Variants in CLASP1 observed in about 807,000 individuals in gnomAD.
CLASP1 encodes cytoplasmic linker associated protein 1.
CLASP1 carries 38 observed loss-of-function variants against 192.3 expected under a neutral mutation model. That is an observed-to-expected ratio of 0.20 (90% CI 0.15 to 0.26). CLASP1 has a LOEUF of 0.26. Ranked by LOEUF, CLASP1 falls within the 10% of genes least tolerant of loss-of-function variation. The pLI is 1.00. For synonymous variants in CLASP1, 691 were observed against 712.8 expected (o/e 0.97, Z 0.49); for missense variants, 1,433 against 1,932.5 (o/e 0.74, Z 4.85).
At chr2:121,415,768 G>A (rs142781651) in intron 23 of CLASP1, among the ~76,000 whole-genome samples, 342 of 152,236 alleles carry the variant, frequency 2.2e-3, no homozygotes, top group Non-Finnish European at 3.9e-3. Context: ...AGAGTATTCT[G>A]TACATGTTAA....
intron 8 of CLASP1, among the ~76,000 whole-genome samples, chr2:121,479,025 C>T (rs2092337447): frequency 1.0e-5 from 1 of 98,704 alleles, no homozygotes; most frequent in Admixed American, 9.8e-5. Flanking sequence ...ACCACACACA[C>T]ACACACCCCA....
intron 8 of CLASP1, among the ~76,000 whole-genome samples, chr2:121,502,775 T>G (rs1161566872): frequency 2.0e-5 from 3 of 152,192 alleles, no homozygotes; most frequent in Non-Finnish European, 4.4e-5. Flanking sequence ...AAAGGATTAC[T>G]CTGGTTGCTA....
intron 17 of CLASP1, 40 bp from the exon 18 acceptor site, chr2:121,448,365 A>G (rs2084775727): frequency 7.2e-7 from 1 of 1,387,822 alleles, no homozygotes; most frequent in Admixed American, 1.7e-5. Flanking sequence ...CATGTACTGT[A>G]CCTGAATTAA....
intron 1 of CLASP1, among the ~76,000 whole-genome samples, chr2:121,643,612 T>G (rs1185303137): frequency 6.6e-6 from 1 of 152,128 alleles, no homozygotes; most frequent in African/African-American, 2.4e-5. Context: ...CCATTATTAT[T>G]ATGAAGACAT....
chr2:121,445,595 T>C (rs2084174872), intron 19 of CLASP1: 1 of 545,578 alleles, frequency 1.8e-6, no homozygotes, highest in Non-Finnish European at 3.0e-6. Context: ...CTCACTAGGA[T>C]TGTGCTATAT....
At chr2:121,454,422 C>T (rs1444048993) in intron 14 of CLASP1, among the ~76,000 whole-genome samples, 3 of 152,148 alleles carry the variant, frequency 2.0e-5, no homozygotes, top group Admixed American at 6.5e-5. Flanking sequence ...CTTGCTGGCA[C>T]GCCGACTTTG....
At chr2:121,533,784 A>C (rs2094963406) in intron 2 of CLASP1, among the ~76,000 whole-genome samples, 1 of 152,314 alleles carries the variant, frequency 6.6e-6, no homozygotes, top group East Asian at 1.9e-4. Flanking sequence ...GAATGTAAGG[A>C]ATACTATCAT....
At chr2:121,599,691 G>A (rs1051461115) in intron 2 of CLASP1, among the ~76,000 whole-genome samples, 20 of 151,278 alleles carry the variant, frequency 1.3e-4, no homozygotes, top group African/African-American at 4.9e-4. Flanking sequence ...CGAGGCAGTC[G>A]GATCACTGGA....
intron 2 of CLASP1, among the ~76,000 whole-genome samples, chr2:121,596,240 A>G (rs1236273690): frequency 6.6e-6 from 1 of 152,160 alleles, no homozygotes; most frequent in Non-Finnish European, 1.5e-5. Context: ...TAGCTTTTCT[A>G]CTTATGACAG....
intron 6 of CLASP1, among the ~76,000 whole-genome samples, chr2:121,520,913 T>C (rs2094442979): frequency 6.6e-6 from 1 of 152,152 alleles, no homozygotes; most frequent in South Asian, 2.1e-4. Flanking sequence ...CACACAATTC[T>C]GTCCCTTCCC....
chr2:121,610,190 A>T (rs1263551657), intron 1 of CLASP1, among the ~76,000 whole-genome samples: 1 of 152,188 alleles, frequency 6.6e-6, no homozygotes, highest in Non-Finnish European at 1.5e-5. Flanking sequence ...AAGGAGGAGG[A>T]GTTACAGGAG....
chr2:121,586,490 A>T (rs1487183026), intron 2 of CLASP1, among the ~76,000 whole-genome samples: 1 of 152,198 alleles, frequency 6.6e-6, no homozygotes, highest in Non-Finnish European at 1.5e-5. Flanking sequence ...ATTTTCCAAC[A>T]ATAAAAAACT....
At chr2:121,496,083 A>C (rs377566183) in intron 8 of CLASP1, among the ~76,000 whole-genome samples, 111 of 152,356 alleles carry the variant, frequency 7.3e-4, no homozygotes, top group African/African-American at 2.5e-3. Context: ...TTGCTCCCTG[A>C]CACTGTCCAC....
At chr2:121,602,790 C>T (rs537090676) in intron 2 of CLASP1, among the ~76,000 whole-genome samples, 1 of 152,140 alleles carries the variant, frequency 6.6e-6, no homozygotes, top group Non-Finnish European at 1.5e-5. Context: ...CATCTCTCAC[C>T]CTATAGAAAA....
chr2:121,521,799 T>TA (rs1430110786), intron 6 of CLASP1, among the ~76,000 whole-genome samples: 1 of 152,318 alleles, frequency 6.6e-6, no homozygotes, highest in Non-Finnish European at 1.5e-5. Context: ...GGAGGCTGAC[T>TA]ACTAGGTCAG....
rs145665205 is a variant in CLASP1, at chr2:121,514,705, T to C, written c.644+960A>G. Among the ~76,000 whole-genome samples, 65 of 152,352 alleles carry C rather than the reference T, an allele frequency of 4.3e-4. 1 individual carries two copies. In the East Asian group the frequency reaches 0.011, roughly 26 times the overall value. ...CACCACTTGAGGGTCTGGGGCCCACTGCCGTCATGTTTGCCTTAGAGACAT... is the reference window on the plus strand; with the variant it reads ...CACCACTTGAGGGTCTGGGGCCCACCGCCGTCATGTTTGCCTTAGAGACAT... On this transcript the variant is annotated intron_variant, in intron 7 of 39. Coordinates refer to ENST00000263710, the Ensembl canonical transcript of CLASP1.
chr2:121,582,313 G>C (rs2061274066), intron 2 of CLASP1, among the ~76,000 whole-genome samples: 1 of 149,992 alleles, frequency 6.7e-6, no homozygotes, highest in African/African-American at 2.5e-5. Context: ...GGGAGAGAGA[G>C]AGAAAGAGAA....
chr2:121,526,312 G>T (rs1487335689), intron 5 of CLASP1, among the ~76,000 whole-genome samples: 3 of 152,214 alleles, frequency 2.0e-5, no homozygotes, highest in African/African-American at 7.2e-5. Flanking sequence ...CCCGTGTGCT[G>T]TGGCAGAGCT....
chr2:121,491,836 T>G (rs1056958530), intron 8 of CLASP1, among the ~76,000 whole-genome samples: 1 of 152,214 alleles, frequency 6.6e-6, no homozygotes, highest in Non-Finnish European at 1.5e-5. Flanking sequence ...TAGTCACAAT[T>G]CGATTACGCT....
Sources: allele counts gnomAD v4.1 joint callset (sites outside exome capture counted in the v4.1 genomes callset), GRCh38; gene constraint gnomAD v4.1.1; transcripts MANE v1.5; gene names NCBI Gene and HGNC (gene_info 2026-07-23, HGNC 2026-07-21).